Variants in APAF1 observed in about 807,000 individuals in gnomAD.
APAF1 encodes the protein apoptotic protease-activating factor 1.
In APAF1, 91 loss-of-function variants were observed where a neutral mutation model predicts 152.4. The ratio of observed to expected loss-of-function variants is 0.60; its 90% CI spans 0.50 to 0.71. The LOEUF (loss-of-function observed/expected upper bound fraction) is 0.71. Among genes scored for constraint, APAF1 ranks in the 30% least tolerant of loss-of-function variants. The pLI is 0.00. For synonymous variants in APAF1, 484 were observed against 494.1 expected (o/e 0.98, Z 0.27); for missense variants, 1,283 against 1,472.0 (o/e 0.87, Z 2.10).
intron 4 of APAF1, among the ~76,000 whole-genome samples, chr12:98,650,175 A>C (rs1334420628): frequency 6.6e-6 from 1 of 152,174 alleles, no homozygotes; most frequent in Non-Finnish European, 1.5e-5. Flanking sequence ...ATTCAAAGAC[A>C]GTTCCCAACT....
chr12:98,703,285 G>A lies in APAF1; in HGVS notation c.2467-86G>A, dbSNP rs137869499. ...TCAGTAATTGTCATATTTTTTTCAG[G>A]ACTTATATTTGAAATGGGAGGATAT... On this transcript the variant is annotated intron_variant, in intron 17 of 26. Transcript: ENST00000551964. The A allele has an allele frequency of 3.4e-4, 501 of 1,469,500 alleles. 1 individual carries two copies. The African/African-American group carries it at 6.4e-3, about 19-fold the overall frequency. 91.0% of individuals were successfully genotyped at this position (1,469,500 alleles called of 1,614,324 possible).
chr12:98,727,614 T>C (rs747222525), intron 26 of APAF1, among the ~76,000 whole-genome samples: 2 of 150,538 alleles, frequency 1.3e-5, no homozygotes, highest in South Asian at 2.1e-4. Context: ...GAAAAAAATA[T>C]TGAAAACAAA....
chr12:98,677,244 T>C (rs1250471256), intron 12 of APAF1, among the ~76,000 whole-genome samples, 181 bp from the exon 13 acceptor site: 1 of 152,244 alleles, frequency 6.6e-6, no homozygotes, highest in African/African-American at 2.4e-5. Flanking sequence ...AATGCTACTT[T>C]TGTTATTTTT....
chr12:98,656,475 C>CT (rs2097657832), intron 4 of APAF1, among the ~76,000 whole-genome samples: 1 of 152,182 alleles, frequency 6.6e-6, no homozygotes, highest in Non-Finnish European at 1.5e-5. Context: ...TCAAACCAGG[C>CT]TTCACAGCCC....
chr12:98,670,462 A>G (rs541542586), intron 10 of APAF1, among the ~76,000 whole-genome samples: 116 of 152,026 alleles, frequency 7.6e-4, no homozygotes, highest in African/African-American at 2.6e-3. Context: ...AGAATTTTCT[A>G]TAAAAAATAA....
intron 12 of APAF1, 44 bp downstream of exon 12, chr12:98,671,763 T>G: frequency 1.3e-6 from 2 of 1,570,826 alleles, no homozygotes; most frequent in Non-Finnish European, 1.8e-6. Context: ...GTGCGCTAAC[T>G]ATATCATTAT....
chr12:98,651,574 CTG>C (rs1257505885), intron 4 of APAF1, among the ~76,000 whole-genome samples: 161 of 152,338 alleles, frequency 1.1e-3, no homozygotes, highest in Non-Finnish European at 1.8e-3. Flanking sequence ...CTCTCTGCTG[CTG>C]CAGCAAAGCT....
At chr12:98,706,149 C>CT (rs1418277413) in intron 18 of APAF1, among the ~76,000 whole-genome samples, 16 of 152,060 alleles carry the variant, frequency 1.1e-4, no homozygotes, top group Admixed American at 7.9e-4. Context: ...CTACACTTTG[C>CT]TTTTTTTCTG....
intron 4 of APAF1, among the ~76,000 whole-genome samples, chr12:98,656,826 C>G (rs1264595796): frequency 6.6e-6 from 1 of 152,214 alleles, no homozygotes. Flanking sequence ...TTCTTGCTCT[C>G]TGTTGTCTCA....
At chr12:98,662,598 CTTTATA>C in intron 6 of APAF1, 30 bp downstream of exon 6, 1 of 1,601,834 alleles carries the variant, frequency 6.2e-7, no homozygotes. Flanking sequence ...TTTTTAGTAC[CTTTATA>C]TTTAATTTAA....
intron 26 of APAF1, among the ~76,000 whole-genome samples, chr12:98,728,522 C>T (rs2097754649): frequency 6.6e-6 from 1 of 151,892 alleles, no homozygotes; most frequent in Non-Finnish European, 1.5e-5. Flanking sequence ...AAGTTGAAGA[C>T]CAGCCTGGCC....
chr12:98,727,921 A>G (rs922800744), intron 26 of APAF1, among the ~76,000 whole-genome samples: 28 of 151,940 alleles, frequency 1.8e-4, no homozygotes, highest in Admixed American at 7.2e-4. Context: ...AGCCTAGGCA[A>G]CAAGAGCAAA....
chr12:98,715,873 T>C (rs558900529), intron 22 of APAF1, among the ~76,000 whole-genome samples: 1 of 152,354 alleles, frequency 6.6e-6, no homozygotes, highest in Admixed American at 6.5e-5. Flanking sequence ...CTCTTTATTT[T>C]TCTTTACAGT....
chr12:98,708,817 G>A (rs2097724663), intron 20 of APAF1, 113 bp downstream of exon 20: 3 of 1,017,480 alleles, frequency 2.9e-6, no homozygotes, highest in Admixed American at 2.3e-5. Context: ...TCTAACAGGT[G>A]TCCAGCAGAC....
chr12:98,661,091 T>C (rs2288736), intron 5 of APAF1, among the ~76,000 whole-genome samples: 20,432 of 152,058 alleles, frequency 0.13, 1,690 homozygotes, highest in Non-Finnish European at 0.19. Context: ...TTAGTAGAGA[T>C]GAGGTTTCAC....
intron 21 of APAF1, chr12:98,712,742 G>A (rs962599444): frequency 1.6e-5 from 5 of 308,710 alleles, no homozygotes; most frequent in African/African-American, 8.8e-5. Flanking sequence ...TCAAACTCCT[G>A]GGTTTAAGCG....
chr12:98,664,563 G>A (rs371342736), intron 7 of APAF1, among the ~76,000 whole-genome samples: 2 of 151,772 alleles, frequency 1.3e-5, no homozygotes, highest in African/African-American at 4.8e-5. Context: ...AAGAGCCAGG[G>A]TCTTGCTCTG....
At chr12:98,650,970 A>C (rs909111692) in intron 4 of APAF1, among the ~76,000 whole-genome samples, 2 of 152,178 alleles carry the variant, frequency 1.3e-5, no homozygotes, top group Non-Finnish European at 2.9e-5. Flanking sequence ...GCTCTACATT[A>C]TTGTGATGAA....
At chr12:98,659,417 A>C in intron 5 of APAF1, 74 bp downstream of exon 5, 1 of 1,459,790 alleles carries the variant, frequency 6.9e-7, no homozygotes, top group Non-Finnish European at 9.6e-7. Flanking sequence ...CCTCTTGAGA[A>C]CATCATGCCT....
Sources: allele counts gnomAD v4.1 joint callset (sites outside exome capture counted in the v4.1 genomes callset), GRCh38; gene constraint gnomAD v4.1.1; transcripts MANE v1.5; gene names NCBI Gene and HGNC (gene_info 2026-07-23, HGNC 2026-07-21).